The following NREP variants were observed in gnomAD, a reference collection of about 807,000 sequenced individuals.
NREP encodes neuronal regeneration related protein, also known as neuronal regeneration-related protein.
A neutral mutation model predicts 8.6 loss-of-function variants in NREP; 5 were observed. The observed-to-expected ratio is 0.58, with a 90% CI of 0.30 to 1.22. The LOEUF (loss-of-function observed/expected upper bound fraction) is 1.22, where lower values mean the gene tolerates loss of function less well. Among genes scored for constraint, NREP ranks in the 50% most tolerant of loss-of-function variants. NREP has a pLI of 0.07. For synonymous variants in NREP, 27 were observed against 28.0 expected, an observed-to-expected ratio of 0.96 and a Z score of 0.11; for missense variants, 86 against 82.5, an observed-to-expected ratio of 1.04 and a Z score of -0.17.
chr5:111,799,108 T>C (rs188856420), intron 2 of NREP, among the ~76,000 whole-genome samples: 1 of 152,332 alleles, frequency 6.6e-6, no homozygotes, highest in African/African-American at 2.4e-5. Context: ...GCGTTCTCTA[T>C]TCTGTTCCAT....
At chr5:111,801,079 G>A (rs888974177) in intron 2 of NREP, among the ~76,000 whole-genome samples, 1 of 152,234 alleles carries the variant, frequency 6.6e-6, no homozygotes, top group South Asian at 2.1e-4. Flanking sequence ...GAAACTGGGA[G>A]ACAGGGGCTT....
intron 2 of NREP, among the ~76,000 whole-genome samples, chr5:111,746,925 G>T (rs1750043625): frequency 6.6e-6 from 1 of 152,118 alleles, no homozygotes. Flanking sequence ...ACTATTAACT[G>T]AGTTCCTCTG....
intron 2 of NREP, among the ~76,000 whole-genome samples, chr5:111,945,375 G>A (rs978446770): frequency 2.5e-4 from 38 of 151,474 alleles, no homozygotes; most frequent in Admixed American, 4.6e-4. Context: ...TTGGTGTGCT[G>A]CACCCATTAA....
intron 2 of NREP, among the ~76,000 whole-genome samples, chr5:111,932,388 A>T (rs1755565920): frequency 6.6e-6 from 1 of 152,104 alleles, no homozygotes; most frequent in African/African-American, 2.4e-5. Context: ...TCAAAATAAC[A>T]TAGCCATCCC....
At chr5:111,773,963 G>T (rs896171097) in intron 2 of NREP, among the ~76,000 whole-genome samples, 1 of 152,054 alleles carries the variant, frequency 6.6e-6, no homozygotes, top group Non-Finnish European at 1.5e-5. Context: ...TCTTACCCGT[G>T]GGGGAGGTGA....
chr5:111,811,437 C>T (rs1752267038), intron 2 of NREP, among the ~76,000 whole-genome samples: 1 of 152,216 alleles, frequency 6.6e-6, no homozygotes. Flanking sequence ...TTTGAGTCCC[C>T]TAACTCGGGT....
chr5:111,908,699 C>T (rs1003487526), intron 2 of NREP, among the ~76,000 whole-genome samples: 14 of 151,846 alleles, frequency 9.2e-5, no homozygotes, highest in African/African-American at 3.4e-4. Flanking sequence ...TGGTTGACTC[C>T]GTGTTTTTGC....
intron 2 of NREP, among the ~76,000 whole-genome samples, chr5:111,956,440 G>A (rs569291536): frequency 6.6e-6 from 1 of 150,846 alleles, no homozygotes; most frequent in Admixed American, 6.6e-5. Context: ...CTAGATTAAA[G>A]CAATTGAAAA....
At chr5:111,913,978 C>T (rs568961548) in intron 2 of NREP, among the ~76,000 whole-genome samples, 10 of 152,230 alleles carry the variant, frequency 6.6e-5, no homozygotes, top group South Asian at 2.1e-4. Context: ...ACCATCCTTA[C>T]GCATCTAAAT....
intron 2 of NREP, among the ~76,000 whole-genome samples, chr5:111,811,288 C>G (rs1752263534): frequency 6.6e-6 from 1 of 151,570 alleles, no homozygotes; most frequent in Non-Finnish European, 1.5e-5. Flanking sequence ...TATTGAACAC[C>G]ACTGAGAAAA....
chr5:111,733,019 A>C (rs955563378), intron 3 of NREP: 3 of 152,212 alleles, frequency 2.0e-5, no homozygotes, highest in African/African-American at 7.2e-5. Context: ...CATACACAAC[A>C]AAACAAAAGG....
intron 2 of NREP, among the ~76,000 whole-genome samples, chr5:111,950,604 C>A (rs941826519): frequency 6.6e-6 from 1 of 151,662 alleles, no homozygotes; most frequent in East Asian, 1.9e-4. Context: ...TCAGAGTGAA[C>A]AGGCAACCTA....
rs759006659 is a variant in NREP at position 111,947,210 on chromosome 5, A to T, written c.135+28064T>A. ...AGTTGTCTGTACACAGTAGCTACTT[A>T]AAAACGCTTTCTTAAGTAAAACATT... On this transcript the variant is annotated intron_variant, in intron 2 of 3. Coordinates refer to the NREP transcript ENST00000395634. Among the ~76,000 whole-genome samples, 57 of 152,050 alleles carry T rather than the reference A, an allele frequency of 3.7e-4. 1 individual carries two copies.
At chr5:111,869,242 A>G (rs1049752889) in intron 2 of NREP, among the ~76,000 whole-genome samples, 4 of 152,222 alleles carry the variant, frequency 2.6e-5, no homozygotes, top group Non-Finnish European at 5.9e-5. Context: ...CATCAGAGGA[A>G]GCAAGCGAAG....
upstream of NREP, among the ~76,000 whole-genome samples, chr5:111,762,530 G>T (rs1426352821): frequency 1.3e-5 from 2 of 151,742 alleles, no homozygotes; most frequent in African/African-American, 4.8e-5. Context: ...TTGGAGATAG[G>T]GTCTTTAAAG....
At chr5:111,911,813 C>T (rs548904184) in intron 2 of NREP, among the ~76,000 whole-genome samples, 13 of 151,984 alleles carry the variant, frequency 8.6e-5, no homozygotes, top group Non-Finnish European at 1.2e-4. Flanking sequence ...GAATCCAAAC[C>T]GAAAATAATT....
intron 2 of NREP, among the ~76,000 whole-genome samples, chr5:111,957,558 C>T (rs989899824): frequency 6.7e-6 from 1 of 149,674 alleles, no homozygotes; most frequent in African/African-American, 2.5e-5. Flanking sequence ...AATGTGTTAT[C>T]TATGATATTA....
At chr5:111,798,422 T>G (rs1217790663) in intron 2 of NREP, among the ~76,000 whole-genome samples, 1 of 152,156 alleles carries the variant, frequency 6.6e-6, no homozygotes, top group Non-Finnish European at 1.5e-5. Context: ...TTTGGTTACA[T>G]AAGTTCTTTA....
At chr5:111,904,998 A>T (rs530116292) in intron 2 of NREP, among the ~76,000 whole-genome samples, 1 of 150,890 alleles carries the variant, frequency 6.6e-6, no homozygotes, top group Non-Finnish European at 1.5e-5. Context: ...TATTCCCCAT[A>T]TCTCTCTCTC....
Sources: gnomAD v4.1 joint callset for allele counts (sites outside exome capture counted in the v4.1 genomes callset) on GRCh38, gnomAD v4.1.1 for gene constraint, MANE v1.5 for transcripts, NCBI Gene and HGNC (gene_info 2026-07-23, HGNC 2026-07-21) for gene names.